The following SETD4 variants were observed in gnomAD, a reference collection of about 807,000 sequenced individuals.
The protein encoded by SETD4 is SET domain-containing protein 4.
Under a neutral mutation model 58.3 loss-of-function variants are expected in SETD4, and 46 were observed. That is an observed-to-expected ratio of 0.79 (90% CI 0.62 to 1.01). The LOEUF is 1.01. Ranked by LOEUF, SETD4 falls within the 50% of genes least tolerant of loss-of-function variation. SETD4 has a pLI of 0.00. For synonymous variants in SETD4, 190 were observed against 202.6 expected (o/e 0.94, Z 0.53); for missense variants, 490 against 523.3 (o/e 0.94, Z 0.62).
intron 2 of SETD4, chr21:36,057,457 C>A: frequency 6.2e-6 from 4 of 642,432 alleles, no homozygotes; most frequent in South Asian, 3.6e-5. Context: ...CCAGCCTGCC[C>A]AACACAGAAA....
At position 36,050,062 on chromosome 21, in the gene SETD4, G is replaced by GC. The variant is rs140268581; in HGVS notation, c.208-1667dup. The stretch of plus-strand genomic sequence containing the variant: ...ATGGATTCGTGGGCTGCTTCCACCT[G>GC]CTAGGAGGGTGGTGCACTCTAACTC... On this transcript the variant is annotated intron_variant, in intron 4 of 11. Coordinates refer to ENST00000332131, the MANE Select transcript of SETD4 (RefSeq NM_017438.5). Among the ~76,000 whole-genome samples, 392 of 152,268 alleles carry GC rather than the reference G, an allele frequency of 2.6e-3. 2 individuals are homozygous for GC. Among genetic ancestry groups the GC allele is most frequent in the African/African-American group, 9.0e-3 (374 of 41,572 alleles).
At chr21:36,058,508 A>T (rs2065102067) in intron 2 of SETD4, among the ~76,000 whole-genome samples, 3 of 123,724 alleles carry the variant, frequency 2.4e-5, no homozygotes, top group African/African-American at 8.5e-5. Flanking sequence ...TTGTCTCCAA[A>T]AAAAAAAAAA....
chr21:36,045,505 C>CA, intron 6 of SETD4, 77 bp downstream of exon 6: 1 of 1,537,928 alleles, frequency 6.5e-7, no homozygotes, highest in South Asian at 1.2e-5. Flanking sequence ...GTGCCACCCA[C>CA]ATCTACAGCC....
At chr21:36,043,510 T>C in intron 7 of SETD4, 6 of 1,277,970 alleles carry the variant, frequency 4.7e-6, no homozygotes, top group Non-Finnish European at 5.9e-6. Flanking sequence ...TAATACTGTA[T>C]TTATTTCCTT....
rs1260903063 is a variant in SETD4, at chr21:36,051,508, T to C, written c.207+2075A>G. 6 of 1,290,804 alleles carry C rather than the reference T, an allele frequency of 4.6e-6. No homozygotes were observed. In the East Asian group the frequency reaches 1.1e-4, roughly 23 times the overall value. The allele number at this position is 1,290,804 out of a possible 1,614,324, so 80.0% of individuals were successfully genotyped here. ...GATGAGAGAAAATTAGTAGGATTAG[T>C]TGGAGAGAGTGGGAGATAGACGAGA... On this transcript the variant is annotated intron_variant, in intron 4 of 11. Coordinates refer to ENST00000332131, the MANE Select transcript of SETD4 (RefSeq NM_017438.5).
intron 8 of SETD4, among the ~76,000 whole-genome samples, 178 bp downstream of exon 8, chr21:36,041,629 C>G (rs1461030742): frequency 6.6e-6 from 1 of 152,190 alleles, no homozygotes; most frequent in Non-Finnish European, 1.5e-5. Context: ...GTGTCTTATA[C>G]TCCTTTTGTC....
intron 6 of SETD4, 120 bp from the exon 7 acceptor site, chr21:36,044,076 G>T (rs557911467): frequency 7.5e-6 from 9 of 1,203,638 alleles, no homozygotes; most frequent in South Asian, 6.2e-5. Context: ...ATCAATAAAT[G>T]TAACTACGCA....
rs1358154849 is a variant in SETD4, at chr21:36,038,234, T to C, written c.1104A>G (p.Ser368=). 1.2e-6 allele frequency: 2 copies of C among 1,613,970 alleles called. No homozygotes were observed. Among genetic ancestry groups the C allele is most frequent in the Non-Finnish European group, 1.7e-6 (2 of 1,180,006 alleles). Residue 368 remains serine (S), a synonymous_variant, in exon 10 of 12, where the codon TCA becomes TCG. Transcript: ENST00000332131. ...CCAAACTTGTCTTCTCATTCGTATC[T>C]GAAATTACCTCCCCAAGAAGTACTT... ...WKKVLLGEVI[S]DTNEKTSLDI...
chr21:36,052,106 T>C (rs1317069799), intron 4 of SETD4, among the ~76,000 whole-genome samples: 2 of 152,172 alleles, frequency 1.3e-5, no homozygotes, highest in Non-Finnish European at 2.9e-5. Flanking sequence ...ATTCTTTATA[T>C]ATTGGACTTC....
intron 10 of SETD4, 156 bp from the exon 11 acceptor site, chr21:36,036,407 CTT>C: frequency 2.6e-6 from 1 of 385,320 alleles, no homozygotes; most frequent in Non-Finnish European, 3.6e-6. Flanking sequence ...AGCTCCAGAA[CTT>C]TTTCTATCAC....
In SETD4 at chr21:36,060,486, C is replaced by T. The variant is rs1324477544; in HGVS notation, c.-176G>A. ...GAGGGAGAGGCTGAAGGCTGTCGCG[C>T]CTGCCTGGTGTCCTTAAGCAATCCA... On this transcript the variant is annotated 5_prime_UTR_variant, in exon 1 of 12. Coordinates refer to ENST00000332131, the MANE Select transcript of SETD4 (RefSeq NM_017438.5). 1 of 152,444 alleles carries T rather than the reference C, an allele frequency of 6.6e-6. No homozygotes were observed. The highest frequency in any genetic ancestry group is 1.5e-5 in the Non-Finnish European group (1 of 68,210). 9.4% of individuals were successfully genotyped at this position (152,444 alleles called of 1,614,324 possible). A position where few individuals can be genotyped will look rare whatever the true frequency, so the allele number is the denominator to read the frequency against.
chr21:36,042,052 T>G, intron 7 of SETD4, 164 bp from the exon 8 acceptor site: 1 of 504,670 alleles, frequency 2.0e-6, no homozygotes, highest in Non-Finnish European at 3.5e-6. Flanking sequence ...TCCAATTCAG[T>G]CACATCAGTA....
chr21:36,055,441 G>C (rs1601285033), intron 3 of SETD4, among the ~76,000 whole-genome samples: 1 of 152,242 alleles, frequency 6.6e-6, no homozygotes, highest in African/African-American at 2.4e-5. Flanking sequence ...TACATGGGAG[G>C]CCCTGACCTG....
At position 36,041,311 on chromosome 21, in the gene SETD4, G is replaced by C. The variant is rs368051124; in HGVS notation, c.983+496C>G. Among the ~76,000 whole-genome samples the C allele has an allele frequency of 6.6e-5, 10 of 152,246 alleles. No individual in the cohort carries two copies. The East Asian group carries it at 1.7e-3, about 26-fold the overall frequency. ...CACTGATGGCAGCCACCACTGCCAG[G>C]CTGCTCTCACACCATGGCGGGATCA... On this transcript the variant is annotated intron_variant, in intron 8 of 11. Transcript: ENST00000332131.
chr21:36,050,578 A>T, intron 4 of SETD4: 1 of 1,613,984 alleles, frequency 6.2e-7, no homozygotes, highest in Non-Finnish European at 8.5e-7. Context: ...ACATTTCAAG[A>T]GTTGGCTGGC....
chr21:36,038,343 AAC>A lies in SETD4; in HGVS notation c.1065-72_1065-71del, dbSNP rs1342625063. The A allele has an allele frequency of 3.9e-6, 6 of 1,536,364 alleles. No individual in the cohort carries two copies. The East Asian group carries it at 1.1e-4, about 29-fold the overall frequency. ...AAAACAGATTTTTTTGTTTCAGTGC[AAC>A]ACATAAACTCCTTCTCCTATTTCTC... On this transcript the variant is annotated intron_variant, in intron 9 of 11. Coordinates refer to ENST00000332131, the MANE Select transcript of SETD4 (RefSeq NM_017438.5).
intron 9 of SETD4, 73 bp downstream of exon 9, chr21:36,040,502 A>G (rs1601202696): frequency 1.5e-6 from 2 of 1,361,060 alleles, no homozygotes; most frequent in East Asian, 2.3e-5. Flanking sequence ...CAAGCCAAAA[A>G]CAAACAAACC....
intron 5 of SETD4, among the ~76,000 whole-genome samples, 188 bp downstream of exon 5, chr21:36,048,120 G>A (rs1325606015): frequency 1.3e-5 from 2 of 151,590 alleles, no homozygotes; most frequent in Admixed American, 1.3e-4. Flanking sequence ...AGGCAGGCAG[G>A]CAGGCAGGAA....
intron 7 of SETD4, 169 bp from the exon 8 acceptor site, chr21:36,042,057 TCA>T: frequency 2.1e-6 from 1 of 484,986 alleles, no homozygotes. Flanking sequence ...TTCAGTCACA[TCA>T]GTACTGAGTC....
Sources: gnomAD v4.1 joint callset for allele counts (sites outside exome capture counted in the v4.1 genomes callset) on GRCh38, gnomAD v4.1.1 for gene constraint, MANE v1.5 for transcripts, NCBI Gene and HGNC (gene_info 2026-07-23, HGNC 2026-07-21) for gene names.